Variants in MTMR8 observed in about 807,000 individuals in gnomAD.
MTMR8 encodes the protein phosphatidylinositol-3,5-bisphosphate 3-phosphatase MTMR8.
A neutral mutation model predicts 39.3 loss-of-function variants in MTMR8; 65 were observed. The ratio of observed to expected loss-of-function variants is 1.65; its 90% CI spans 1.35 to 2.03. The LOEUF is 2.03. Among genes scored for constraint, MTMR8 ranks in the 30% most tolerant of loss-of-function variants. The probability of loss-of-function intolerance (pLI) is 0.00; values close to 1 mark genes in which losing one functional copy is unlikely to be tolerated. For synonymous variants in MTMR8, 245 were observed against 185.2 expected (o/e 1.32, Z -2.62); for missense variants, 777 against 538.9 (o/e 1.44, Z -4.37).
intron 11 of MTMR8, among the ~76,000 whole-genome samples, chrX:64,330,977 C>T (rs936773387): frequency 4.4e-4 from 49 of 111,341 alleles, no homozygotes; most frequent in African/African-American, 1.2e-3. Context: ...GGGTAGGAAG[C>T]GGGTGAGGGA....
At chrX:64,269,638 C>T (rs756362394) in intron 13 of MTMR8, among the ~76,000 whole-genome samples, 17 of 111,140 alleles carry the variant, frequency 1.5e-4, no homozygotes, top group African/African-American at 4.9e-4. Flanking sequence ...TGGGGTCATA[C>T]GTCCCCATTG....
At chrX:64,367,788 G>C (rs1318705114) in intron 1 of MTMR8, among the ~76,000 whole-genome samples, 1 of 111,315 alleles carries the variant, frequency 9.0e-6, no homozygotes, top group Non-Finnish European at 1.9e-5. Flanking sequence ...AGAAATAAAG[G>C]GTATTCAATT....
At chrX:64,330,484 C>T (rs1922911716) in intron 11 of MTMR8, among the ~76,000 whole-genome samples, 1 of 112,034 alleles carries the variant, frequency 8.9e-6, no homozygotes, top group Non-Finnish European at 1.9e-5. Flanking sequence ...GGGCTAACTA[C>T]TAACTCAGCC....
At position 64,343,682 on chromosome X, in the gene MTMR8, T is replaced by G. The variant is rs760690407; in HGVS notation, c.904A>C (p.Ser302Arg). Residue 302 changes from serine to arginine, a missense_variant, in exon 8 of 14, where the codon AGC (serine) becomes CGC (arginine). By Grantham distance (110) the Ser-to-Arg change is moderately radical. Coordinates refer to ENST00000374852, the MANE Select transcript of MTMR8 (RefSeq NM_017677.4). ...AACCACCCTGAGCTCTCCAGGCCGC[T>G]AAGAAATTCACTCATTGTTGGAGTT... is the stretch of plus-strand genomic sequence containing the variant. ...LKTPTMSEFL[S>R]GLESSGWLRH... is the part of the protein sequence containing the mutation. 8.3e-7 allele frequency: 1 copy of G among 1,208,237 alleles called. No individual in the cohort carries two copies. Among genetic ancestry groups the G allele is most frequent in the Non-Finnish European group, 1.1e-6 (1 of 892,895 alleles).
At chrX:64,303,977 T>C (rs1921991105) in intron 12 of MTMR8, among the ~76,000 whole-genome samples, 2 of 112,278 alleles carry the variant, frequency 1.8e-5, no homozygotes, top group Non-Finnish European at 1.9e-5. Flanking sequence ...GCAACTTGTG[T>C]ACTGCAGCAC....
At chrX:64,270,713 A>G (rs747699641) in intron 13 of MTMR8, among the ~76,000 whole-genome samples, 72 of 111,969 alleles carry the variant, frequency 6.4e-4, no homozygotes, top group African/African-American at 2.0e-3. Flanking sequence ...AGATCCAAAA[A>G]GAGATAAAGG....
At chrX:64,303,924 A>G (rs1227095991) in intron 12 of MTMR8, among the ~76,000 whole-genome samples, 1 of 112,456 alleles carries the variant, frequency 8.9e-6, no homozygotes, top group Non-Finnish European at 1.9e-5. Context: ...GAAAGTGAAA[A>G]GCATGGCCTT....
intron 12 of MTMR8, among the ~76,000 whole-genome samples, chrX:64,300,228 G>A (rs927578913): frequency 9.1e-6 from 1 of 109,549 alleles, no homozygotes; most frequent in Non-Finnish European, 1.9e-5. Context: ...TCTCTTTGTA[G>A]GTCACTCAGG....
chrX:64,332,860 C>T (rs559521239), intron 10 of MTMR8, among the ~76,000 whole-genome samples: 188 of 111,719 alleles, frequency 1.7e-3, no homozygotes, highest in South Asian at 2.6e-3. Context: ...ATCTTAATCA[C>T]GATATCCCAC....
intron 12 of MTMR8, among the ~76,000 whole-genome samples, chrX:64,296,839 T>C (rs1009162989): frequency 8.8e-5 from 9 of 101,734 alleles, no homozygotes; most frequent in African/African-American, 1.4e-4. Flanking sequence ...TGTTTGGTTT[T>C]TTGTTCTTGC....
intron 2 of MTMR8, 103 bp downstream of exon 2, chrX:64,359,302 C>T: frequency 2.3e-6 from 2 of 857,293 alleles, no homozygotes; most frequent in Non-Finnish European, 3.1e-6. Flanking sequence ...AAAGGTTTTA[C>T]AGCAATTTAA....
chrX:64,340,928 T>A (rs1258886625), intron 8 of MTMR8, among the ~76,000 whole-genome samples: 1 of 112,485 alleles, frequency 8.9e-6, no homozygotes, highest in Non-Finnish European at 1.9e-5. Flanking sequence ...TGGAAACTGG[T>A]ATTACCTACT....
intron 1 of MTMR8, among the ~76,000 whole-genome samples, chrX:64,369,667 G>C (rs1172430107): frequency 9.0e-6 from 1 of 111,216 alleles, no homozygotes; most frequent in Non-Finnish European, 1.9e-5. Flanking sequence ...TAATGTAAAT[G>C]ATGAGTTGAT....
chrX:64,299,636 TG>T, intron 12 of MTMR8, among the ~76,000 whole-genome samples: 1 of 79,169 alleles, frequency 1.3e-5, no homozygotes, highest in Admixed American at 1.5e-4. Flanking sequence ...TGAATGTGTT[TG>T]CTCTTGCTTT....
chrX:64,339,586 T>C (rs941820128), intron 8 of MTMR8, among the ~76,000 whole-genome samples: 1 of 111,666 alleles, frequency 9.0e-6, no homozygotes, highest in African/African-American at 3.3e-5. Context: ...AACTAGAAGA[T>C]TGAAAAAGTA....
At position 64,268,385 on chromosome X, in the gene MTMR8, C is replaced by G. The variant is rs1386326682; in HGVS notation, c.*152G>C. The G allele has an allele frequency of 1.8e-6, 1 of 561,867 alleles. No homozygotes were observed. The highest frequency in any genetic ancestry group is 2.3e-5 in the African/African-American group (1 of 42,970). 46.3% of individuals were successfully genotyped at this position (561,867 alleles called of 1,213,427 possible). A position where few individuals can be genotyped will look rare whatever the true frequency, so the allele number is the denominator to read the frequency against. ...AATATGAACATATTGGTCACTTAATCAGTAAAGTAATTCCCTTCCAGACTT... is the reference window on the plus strand; with the variant it reads ...AATATGAACATATTGGTCACTTAATGAGTAAAGTAATTCCCTTCCAGACTT... On this transcript the variant is annotated 3_prime_UTR_variant, in exon 14 of 14. Transcript: ENST00000374852.
intron 6 of MTMR8, among the ~76,000 whole-genome samples, chrX:64,346,330 G>C (rs962907157): frequency 1.8e-5 from 2 of 110,827 alleles, no homozygotes; most frequent in African/African-American, 6.6e-5. Context: ...ACATGCAGAG[G>C]GAAAAAAGTC....
At chrX:64,366,700 G>C (rs1444132791) in intron 1 of MTMR8, among the ~76,000 whole-genome samples, 1 of 111,458 alleles carries the variant, frequency 9.0e-6, no homozygotes, top group Non-Finnish European at 1.9e-5. Flanking sequence ...AAAAGAACTA[G>C]AGAAGCAAGA....
At chrX:64,386,455 G>T (rs1924560890) in intron 1 of MTMR8, among the ~76,000 whole-genome samples, 2 of 111,088 alleles carry the variant, frequency 1.8e-5, no homozygotes, top group East Asian at 2.8e-4. Flanking sequence ...AAATGAAAAA[G>T]AACTCTCAGA....
Sources: gnomAD v4.1 joint callset for allele counts (sites outside exome capture counted in the v4.1 genomes callset) on GRCh38, gnomAD v4.1.1 for gene constraint, MANE v1.5 for transcripts, NCBI Gene and HGNC (gene_info 2026-07-23, HGNC 2026-07-21) for gene names.